The following PCLAF variants were observed in gnomAD, a reference collection of about 807,000 sequenced individuals.
The protein encoded by PCLAF is PCNA clamp associated factor, also known as PCNA-associated factor.
Under a neutral mutation model 15.1 loss-of-function variants are expected in PCLAF, and 12 were observed. The observed-to-expected ratio is 0.79, with a 90% CI of 0.51 to 1.29. The LOEUF (loss-of-function observed/expected upper bound fraction) is 1.29, where lower values mean the gene tolerates loss of function less well. PCLAF is among the 50% of genes most tolerant of loss of function. The probability of loss-of-function intolerance (pLI) is 0.00; values close to 1 mark genes in which losing one functional copy is unlikely to be tolerated. For synonymous variants in PCLAF, 33 were observed against 47.1 expected (o/e 0.70, Z 1.22); for missense variants, 116 against 130.9 (o/e 0.89, Z 0.56).
chr15:64,373,580 G>T, intron 3 of PCLAF: 1 of 1,440,574 alleles, frequency 6.9e-7, no homozygotes, highest in Non-Finnish European at 9.1e-7. Context: ...GGGCTTTGTG[G>T]TTTCGGCTGC....
At chr15:64,366,096 ATC>A (rs767242868) in intron 3 of PCLAF, 21 bp from the exon 4 acceptor site, 8 of 1,586,008 alleles carry the variant, frequency 5.0e-6, no homozygotes, top group Non-Finnish European at 6.0e-6. Flanking sequence ...AAGAGAGAAC[ATC>A]AATAGCCATC....
At chr15:64,377,797 G>T (rs1899672794) in intron 2 of PCLAF, among the ~76,000 whole-genome samples, 1 of 124,768 alleles carries the variant, frequency 8.0e-6, no homozygotes, top group Admixed American at 1.0e-4. Context: ...TGTCACCCAG[G>T]CTGGAGTGCA....
chr15:64,376,603 G>C, intron 3 of PCLAF, 140 bp downstream of exon 3: 1 of 603,178 alleles, frequency 1.7e-6, no homozygotes, highest in East Asian at 2.9e-5. Context: ...ATTTTTAGTA[G>C]AGACAGGGTT....
rs1277601983 is a variant in PCLAF at position 64,376,855 on chromosome 15, T to C, written c.178A>G (p.Lys60Glu). 6.2e-7 allele frequency: 1 copy of C among 1,614,034 alleles called. No homozygotes were observed. The highest frequency in any genetic ancestry group is 1.1e-5 in the South Asian group (1 of 91,074). ...GNPVCVRPTP[K>E]WQKGIGEFFR... ...AATTCTCCAATTCCTTTTTGCCACTTGGGAGTTGGGCGCACGCAAACGGGG... is the reference window on the plus strand; with the variant it reads ...AATTCTCCAATTCCTTTTTGCCACTCGGGAGTTGGGCGCACGCAAACGGGG... Residue 60 changes from lysine to glutamate, a missense_variant, in exon 3 of 4, where the codon AAG becomes GAG. By Grantham distance (56) the Lys-to-Glu change is moderately conservative (BLOSUM62 1). Coordinates refer to ENST00000300035, the MANE Select transcript of PCLAF (RefSeq NM_014736.6).
intron 1 of PCLAF, among the ~76,000 whole-genome samples, chr15:64,386,732 G>A (rs905192682): frequency 2.6e-5 from 4 of 152,050 alleles, no homozygotes; most frequent in Non-Finnish European, 4.4e-5. Context: ...GAGACACTGC[G>A]CCCGGCCAAT....
intron 3 of PCLAF, among the ~76,000 whole-genome samples, chr15:64,370,550 T>A (rs1899247097): frequency 6.6e-6 from 1 of 151,936 alleles, no homozygotes; most frequent in Admixed American, 6.6e-5. Context: ...GTATTTTTAG[T>A]AGAGACGGGG....
chr15:64,384,901 T>A (rs1326962655), upstream of PCLAF, among the ~76,000 whole-genome samples: 1 of 152,100 alleles, frequency 6.6e-6, no homozygotes, highest in Admixed American at 6.6e-5. Context: ...GAGAAAAGAA[T>A]GCCTTTTTCT....
intron 2 of PCLAF, among the ~76,000 whole-genome samples, chr15:64,380,468 C>A (rs1233432283): frequency 6.6e-6 from 1 of 151,942 alleles, no homozygotes; most frequent in African/African-American, 2.4e-5. Flanking sequence ...TGCCTGTAAT[C>A]CCAGTAGGAG....
upstream of PCLAF, among the ~76,000 whole-genome samples, chr15:64,385,915 A>G (rs1899924380): frequency 6.6e-6 from 1 of 152,110 alleles, no homozygotes; most frequent in African/African-American, 2.4e-5. Flanking sequence ...AGACTTGAAG[A>G]TTTCACAACT....
intron 3 of PCLAF, among the ~76,000 whole-genome samples, chr15:64,368,961 C>A (rs1357619157): frequency 6.6e-6 from 1 of 152,010 alleles, no homozygotes; most frequent in African/African-American, 2.4e-5. Flanking sequence ...TCAGCTTGTT[C>A]CTGTTGGAAA....
intron 2 of PCLAF, among the ~76,000 whole-genome samples, chr15:64,379,512 A>G (rs1292852046): frequency 6.6e-6 from 1 of 152,030 alleles, no homozygotes; most frequent in African/African-American, 2.4e-5. Context: ...AAAGAAAAAG[A>G]AACTTAGTCT....
chr15:64,378,994 C>A (rs4238425), intron 2 of PCLAF, among the ~76,000 whole-genome samples: 122,231 of 152,028 alleles, frequency 0.8, 50,110 homozygotes, highest in East Asian at 0.95. Flanking sequence ...GTTATATAAC[C>A]AGATATTAAA....
chr15:64,386,640 G>C (rs1011900395), intron 1 of PCLAF, among the ~76,000 whole-genome samples: 1 of 151,836 alleles, frequency 6.6e-6, no homozygotes, highest in African/African-American at 2.4e-5. Flanking sequence ...GTGTGTGTGT[G>C]TGTGTGTTTG....
chr15:64,377,486 AAAATATATATATATATATAT>A lies in PCLAF; in HGVS notation c.128-601_128-582del, dbSNP rs1466047614. On this transcript the variant is annotated intron_variant, in intron 2 of 3. Transcript: ENST00000300035. ...ACTCTGTCTCAAAAAAAAAAAAAAAAAAATATATATATATATATATATATATATATATATATATATATATA... is the reference window on the plus strand; with the variant it reads ...ACTCTGTCTCAAAAAAAAAAAAAAAAATATATATATATATATATATATATA... 3.7e-4 allele frequency among the ~76,000 whole-genome samples: 15 copies of A among 40,810 alleles called. 2 individuals are homozygous for A. In the South Asian group the frequency reaches 4.0e-3, roughly 11 times the overall value. The allele number at this position is 40,810 out of a possible 152,430, so 26.8% of individuals were successfully genotyped here.
intron 3 of PCLAF, among the ~76,000 whole-genome samples, chr15:64,375,627 A>C (rs1899577441): frequency 6.6e-6 from 1 of 152,126 alleles, no homozygotes; most frequent in African/African-American, 2.4e-5. Flanking sequence ...TCCTGAGCTC[A>C]AGCGATCTGC....
At chr15:64,375,846 A>G (rs973479149) in intron 3 of PCLAF, among the ~76,000 whole-genome samples, 8 of 152,354 alleles carry the variant, frequency 5.3e-5, no homozygotes, top group African/African-American at 1.9e-4. Context: ...CACTAAGTTC[A>G]TGGTTAATGA....
At chr15:64,369,140 T>C (rs1376473889) in intron 3 of PCLAF, among the ~76,000 whole-genome samples, 1 of 152,072 alleles carries the variant, frequency 6.6e-6, no homozygotes, top group Non-Finnish European at 1.5e-5. Flanking sequence ...GGTGTTAGGA[T>C]TGCTTGAGCC....
chr15:64,385,396 CGGGA>C (rs910284957), upstream of PCLAF, among the ~76,000 whole-genome samples: 87 of 152,110 alleles, frequency 5.7e-4, no homozygotes, highest in African/African-American at 1.9e-3. Context: ...GAGGCCGAGG[CGGGA>C]GGATCACCTA....
upstream of PCLAF, among the ~76,000 whole-genome samples, chr15:64,381,925 A>G (rs1163671466): frequency 2.6e-5 from 4 of 152,226 alleles, no homozygotes; most frequent in Non-Finnish European, 5.9e-5. Flanking sequence ...AAACAATTCT[A>G]TGGAATGGGG....
Sources: allele counts gnomAD v4.1 joint callset (sites outside exome capture counted in the v4.1 genomes callset), GRCh38; gene constraint gnomAD v4.1.1; transcripts MANE v1.5; gene names NCBI Gene and HGNC (gene_info 2026-07-23, HGNC 2026-07-21).